Variants in ATP8A2 observed in about 807,000 individuals in gnomAD.
The protein encoded by ATP8A2 is ATPase phospholipid transporting 8A2.
In ATP8A2, 100 loss-of-function variants were observed where a neutral mutation model predicts 165.6. The observed-to-expected ratio is 0.60, with a 90% CI of 0.51 to 0.71. ATP8A2 has a LOEUF of 0.71. Ranked by LOEUF, ATP8A2 falls within the 30% of genes least tolerant of loss-of-function variation. The pLI, the probability that ATP8A2 is intolerant of heterozygous loss-of-function variation, is 0.00. For synonymous variants in ATP8A2, 543 were observed against 548.8 expected (o/e 0.99, Z 0.15); for missense variants, 1,227 against 1,479.5 (o/e 0.83, Z 2.80).
chr13:25,817,176 C>T (rs1193593914), intron 27 of ATP8A2, among the ~76,000 whole-genome samples: 1 of 152,024 alleles, frequency 6.6e-6, no homozygotes, highest in East Asian at 1.9e-4. Context: ...CTATTCAGTC[C>T]CCTAGCAAGC....
At chr13:25,422,328 C>T (rs1044382645) in intron 1 of ATP8A2, among the ~76,000 whole-genome samples, 2 of 152,072 alleles carry the variant, frequency 1.3e-5, no homozygotes, top group Admixed American at 6.6e-5. Flanking sequence ...AAGCATTGAC[C>T]TGTTTGTAAG....
chr13:25,519,296 G>A (rs1593448406), intron 2 of ATP8A2, among the ~76,000 whole-genome samples: 1 of 152,166 alleles, frequency 6.6e-6, no homozygotes, highest in East Asian at 1.9e-4. Flanking sequence ...GCCCCAGCCA[G>A]TGTACCCTTC....
intron 1 of ATP8A2, among the ~76,000 whole-genome samples, chr13:25,376,105 T>C (rs1286004853): frequency 2.1e-5 from 1 of 47,716 alleles, no homozygotes; most frequent in African/African-American, 7.8e-5. Flanking sequence ...ATCCCTTCAC[T>C]TTACAAATGA....
intron 26 of ATP8A2, among the ~76,000 whole-genome samples, chr13:25,772,956 C>T (rs943497340): frequency 3.3e-5 from 5 of 151,988 alleles, no homozygotes; most frequent in African/African-American, 1.2e-4. Context: ...GACGGCGTTT[C>T]ACCACGTTGG....
intron 24 of ATP8A2, among the ~76,000 whole-genome samples, chr13:25,640,931 G>A (rs1324621115): frequency 1.3e-5 from 2 of 152,160 alleles, no homozygotes; most frequent in Non-Finnish European, 2.9e-5. Context: ...TCATCCCTGG[G>A]ATGCAAGGCT....
chr13:25,804,713 A>C (rs1481754024), intron 27 of ATP8A2, among the ~76,000 whole-genome samples: 1 of 152,062 alleles, frequency 6.6e-6, no homozygotes, highest in African/African-American at 2.4e-5. Context: ...CAGGAGAGAC[A>C]CTCTGAACCC....
intron 27 of ATP8A2, among the ~76,000 whole-genome samples, chr13:25,799,288 G>A (rs778257219): frequency 6.6e-6 from 1 of 152,148 alleles, no homozygotes; most frequent in Non-Finnish European, 1.5e-5. Flanking sequence ...TGATAAGAAT[G>A]CTACTTTCCT....
At chr13:25,864,359 C>T (rs914554380) in intron 33 of ATP8A2, among the ~76,000 whole-genome samples, 2 of 152,252 alleles carry the variant, frequency 1.3e-5, no homozygotes, top group East Asian at 1.9e-4. Flanking sequence ...TCAGTAACTC[C>T]AAATGTGCGT....
intron 33 of ATP8A2, among the ~76,000 whole-genome samples, chr13:25,928,026 A>G (rs796589431): frequency 5.3e-5 from 8 of 152,372 alleles, no homozygotes; most frequent in African/African-American, 1.9e-4. Context: ...GAAAAAATAA[A>G]CATCCTAGAC....
chr13:25,786,387 CAG>C (rs1475602297), intron 27 of ATP8A2, among the ~76,000 whole-genome samples: 1 of 152,136 alleles, frequency 6.6e-6, no homozygotes, highest in East Asian at 1.9e-4. Flanking sequence ...GTTTTTCAAA[CAG>C]AGAGAAGGCA....
rs879410034 is a variant in ATP8A2, at chr13:25,859,233, CA to C, written c.2957-953del. ...AAAACAAAACAAAACAAAACAAAAA[CA>C]AAAAAAAACACTACCCATTGGGTAC... On this transcript the variant is annotated intron_variant, in intron 30 of 36. Transcript: ENST00000381655. 4.3e-4 allele frequency among the ~76,000 whole-genome samples: 64 copies of C among 149,246 alleles called. No individual in the cohort carries two copies. In the East Asian group the frequency reaches 9.9e-3, roughly 23 times the overall value.
At position 26,024,385 on chromosome 13, in the gene ATP8A2, T is replaced by G. The variant is rs569502524; in HGVS notation, c.*4400T>G. On this transcript the variant is annotated 3_prime_UTR_variant, in exon 37 of 37. Transcript: ENST00000381655. The stretch of plus-strand genomic sequence containing the variant: ...CCCCTTCACCTTACCTGATCTTCAT[T>G]TAATGCCCAGTCTGTAACTAATGTT... The G allele has an allele frequency of 1.3e-5, 2 of 152,342 alleles. No homozygotes were observed. The highest frequency in any genetic ancestry group is 3.9e-4 in the East Asian group (2 of 5,178). The allele number at this position is 152,342 out of a possible 1,614,324, so 9.4% of individuals were successfully genotyped here.
chr13:25,882,896 ATGATGATGATGATG>A (rs1327453528), intron 33 of ATP8A2, among the ~76,000 whole-genome samples: 1 of 90,642 alleles, frequency 1.1e-5, no homozygotes, highest in African/African-American at 8.4e-5. Flanking sequence ...TGTGCCTGAG[ATGATGATGATGATG>A]ATGATGATGA....
At chr13:25,424,991 C>A (rs938056886) in intron 1 of ATP8A2, among the ~76,000 whole-genome samples, 1 of 152,126 alleles carries the variant, frequency 6.6e-6, no homozygotes, top group Non-Finnish European at 1.5e-5. Flanking sequence ...TGATTTATGT[C>A]ATTAAAGATG....
At chr13:25,885,203 C>T (rs1483700477) in intron 33 of ATP8A2, among the ~76,000 whole-genome samples, 3 of 150,556 alleles carry the variant, frequency 2.0e-5, no homozygotes, top group Non-Finnish European at 4.4e-5. Flanking sequence ...ACCTCCGCCT[C>T]CTGGGTTCAA....
At chr13:25,931,186 A>G (rs1057262175) in intron 33 of ATP8A2, among the ~76,000 whole-genome samples, 15 of 152,238 alleles carry the variant, frequency 9.9e-5, no homozygotes, top group African/African-American at 1.4e-4. Context: ...AGTCGCAGCC[A>G]AAACACAGAT....
At chr13:25,679,864 T>C (rs1359638164) in intron 24 of ATP8A2, among the ~76,000 whole-genome samples, 1 of 151,606 alleles carries the variant, frequency 6.6e-6, no homozygotes, top group Non-Finnish European at 1.5e-5. Context: ...AGATTGTTGA[T>C]TGCGGATTAG....
intron 4 of ATP8A2, among the ~76,000 whole-genome samples, chr13:25,531,173 TGA>T: frequency 7.2e-6 from 1 of 138,294 alleles, no homozygotes; most frequent in Admixed American, 7.4e-5. Flanking sequence ...ATATGTTATA[TGA>T]TATATATATG....
In ATP8A2 at chr13:26,025,338, C is replaced by T. The variant is rs1957149563; in HGVS notation, c.*5353C>T. On this transcript the variant is annotated 3_prime_UTR_variant, in exon 37 of 37. Coordinates refer to ENST00000381655, the MANE Select transcript of ATP8A2 (RefSeq NM_016529.6). ...GCCGCTTCCCTCTGAGCCTCCCTCT[C>T]AAGGGCCACGCAGGCAGCTGCAGCA... 1 of 152,218 alleles carries T rather than the reference C, an allele frequency of 6.6e-6. No homozygotes were observed. The highest frequency in any genetic ancestry group is 1.5e-5 in the Non-Finnish European group (1 of 68,062). The allele number at this position is 152,218 out of a possible 1,614,324, so 9.4% of individuals were successfully genotyped here.
Sources: gnomAD v4.1 joint callset for allele counts (sites outside exome capture counted in the v4.1 genomes callset) on GRCh38, gnomAD v4.1.1 for gene constraint, MANE v1.5 for transcripts, NCBI Gene and HGNC (gene_info 2026-07-23, HGNC 2026-07-21) for gene names.